Variants in ABCA1 observed in about 807,000 individuals in gnomAD.
ABCA1 encodes the protein phospholipid-transporting ATPase ABCA1.
A neutral mutation model predicts 262.5 loss-of-function variants in ABCA1; 133 were observed. The ratio of observed to expected loss-of-function variants is 0.51; its 90% confidence interval spans 0.44 to 0.59. The LOEUF (loss-of-function observed/expected upper bound fraction) is 0.59. Ranked by LOEUF, ABCA1 falls within the 20% of genes least tolerant of loss-of-function variation. The pLI is 0.00. For synonymous variants in ABCA1, 1,022 were observed against 1,043.5 expected (o/e 0.98, Z 0.40); for missense variants, 2,452 against 2,777.5 (o/e 0.88, Z 2.63).
chr9:104,863,373 G>C (rs182992669), intron 5 of ABCA1, among the ~76,000 whole-genome samples: 1 of 152,260 alleles, frequency 6.6e-6, no homozygotes, highest in Admixed American at 6.5e-5. Context: ...AGCTCATCAG[G>C]ACCACATGAA....
At chr9:104,851,602 C>G (rs1175293) in intron 7 of ABCA1, among the ~76,000 whole-genome samples, 3 of 152,150 alleles carry the variant, frequency 2.0e-5, no homozygotes, top group Non-Finnish European at 4.4e-5. Context: ...AGGATGTTTC[C>G]TTCCTGACTG....
intron 39 of ABCA1, 30 bp from the exon 40 acceptor site, chr9:104,794,540 A>G (rs1221733805): frequency 2.0e-6 from 3 of 1,527,530 alleles, no homozygotes; most frequent in Admixed American, 1.7e-5. Flanking sequence ...ATGGGAGGGA[A>G]GGGAGGGTGA....
chr9:104,799,763 T>A, intron 36 of ABCA1, 56 bp downstream of exon 36: 1 of 1,613,858 alleles, frequency 6.2e-7, no homozygotes, highest in Non-Finnish European at 8.5e-7. Context: ...TTTCTCCCCT[T>A]CTCCATAACC....
intron 20 of ABCA1, 23 bp downstream of exon 20, chr9:104,821,352 C>T: frequency 6.2e-7 from 1 of 1,613,498 alleles, no homozygotes; most frequent in Non-Finnish European, 8.5e-7. Flanking sequence ...AAGGCCTATT[C>T]TTAACGTGCT....
chr9:104,781,422 G>T lies in ABCA1; in HGVS notation c.*2893C>A, dbSNP rs1223126122. 1 of 152,040 alleles carries T rather than the reference G, an allele frequency of 6.6e-6. No homozygotes were observed. The highest frequency in any genetic ancestry group is 1.5e-5 in the Non-Finnish European group (1 of 67,858). 9.4% of individuals were successfully genotyped at this position (152,040 alleles called of 1,614,324 possible). On this transcript the variant is annotated 3_prime_UTR_variant, in exon 50 of 50. Coordinates refer to ENST00000374736, the MANE Select transcript of ABCA1 (RefSeq NM_005502.4). ...ATTATTACTAGTAGATAATAACAAG[G>T]GTACAAATTAATGTCTCAATATCAA... is the stretch of plus-strand genomic sequence containing the variant.
intron 4 of ABCA1, 44 bp from the exon 5 acceptor site, chr9:104,883,201 A>G (rs187537577): frequency 6.6e-7 from 1 of 1,507,576 alleles, no homozygotes; most frequent in South Asian, 1.1e-5. Context: ...AGCTAGGCCA[A>G]CTGCCTCTGC....
chr9:104,809,669 G>GAA (rs1419249897), intron 29 of ABCA1, 105 bp from the exon 30 acceptor site: 7 of 1,025,640 alleles, frequency 6.8e-6, no homozygotes, highest in Admixed American at 6.0e-5. Flanking sequence ...ATTTCTCTGT[G>GAA]ACAGGCTCTT....
In ABCA1 at chr9:104,825,753, C is replaced by T. The variant is rs533413438; in HGVS notation, c.2472G>A (p.Ser824=). ...AGGTGTCAAACAGCATCATGGAGAC[C>T]GAAGTGGTGAGATTGAAGCCATCTT... is the stretch of plus-strand genomic sequence containing the variant. ...VEEDGFNLTT[S]VSMMLFDTFL... Residue 824 remains serine, a synonymous_variant, in exon 17 of 50, where the codon TCG becomes TCA. Transcript: ENST00000374736. The T allele has an allele frequency of 4.0e-4, 642 of 1,614,158 alleles. 9 individuals carry two copies. In the South Asian group the frequency reaches 6.7e-3, roughly 17 times the overall value.
intron 25 of ABCA1, among the ~76,000 whole-genome samples, chr9:104,815,665 G>A (rs4149317): frequency 5.9e-5 from 9 of 152,118 alleles, no homozygotes; most frequent in East Asian, 3.9e-4. Flanking sequence ...ATCCATAAAC[G>A]TTTGTCATTT....
chr9:104,874,623 G>T (rs1368955192), intron 5 of ABCA1, among the ~76,000 whole-genome samples: 6 of 152,156 alleles, frequency 3.9e-5, no homozygotes, highest in Admixed American at 3.9e-4. Flanking sequence ...GGGCGCAGTG[G>T]CTCATGCCTG....
chr9:104,922,892 T>C (rs1050642040), intron 1 of ABCA1, among the ~76,000 whole-genome samples: 3 of 152,128 alleles, frequency 2.0e-5, no homozygotes, highest in Admixed American at 6.5e-5. Context: ...AATTTTTGTA[T>C]TGTTAGTAGA....
intron 21 of ABCA1, 61 bp downstream of exon 21, chr9:104,819,866 C>T (rs779383062): frequency 4.5e-4 from 719 of 1,608,884 alleles, no homozygotes; most frequent in Non-Finnish European, 5.6e-4. Context: ...TGATTTTCCT[C>T]CGCATGTGTG....
chr9:104,837,595 C>T (rs1392342451), intron 9 of ABCA1, 28 bp from the exon 10 acceptor site: 1 of 1,612,722 alleles, frequency 6.2e-7, no homozygotes, highest in Non-Finnish European at 8.5e-7. Flanking sequence ...GACAAATGCT[C>T]ATATGCATGG....
At chr9:104,870,152 A>T (rs188061592) in intron 5 of ABCA1, among the ~76,000 whole-genome samples, 1 of 152,240 alleles carries the variant, frequency 6.6e-6, no homozygotes, top group Non-Finnish European at 1.5e-5. Context: ...TGGGAATACC[A>T]TAACTTTAGG....
Position 104,909,612 on chromosome 9 carries a change from AC to A in ABCA1, c.-92-5842del, listed in dbSNP as rs1229699055. On this transcript the variant is annotated intron_variant, in intron 1 of 49. Coordinates refer to ENST00000374736, the MANE Select transcript of ABCA1 (RefSeq NM_005502.4). ...AGTGATGCTGGCAAAAGAAATACAC[AC>A]ACACACACACACACACACACACACA... Among the ~76,000 whole-genome samples, 147 of 40,466 alleles carry A rather than the reference AC, an allele frequency of 3.6e-3. 1 individual carries two copies. The highest frequency in any genetic ancestry group is 0.032 in the East Asian group (11 of 348). 26.5% of individuals were successfully genotyped at this position (40,466 alleles called of 152,430 possible).
chr9:104,909,022 T>C (rs923732501), intron 1 of ABCA1, among the ~76,000 whole-genome samples: 3 of 152,198 alleles, frequency 2.0e-5, no homozygotes, highest in Non-Finnish European at 4.4e-5. Flanking sequence ...CCAAATAAAC[T>C]GCCTTCTATT....
Position 104,781,852 on chromosome 9 carries a change from ATAGAGTTGGT to A in ABCA1, c.*2453_*2462del, listed in dbSNP as rs1264147617. 6.6e-6 allele frequency: 1 copy of A among 152,484 alleles called. No individual in the cohort carries two copies. The highest frequency in any genetic ancestry group is 1.5e-5 in the Non-Finnish European group (1 of 67,976). The allele number at this position is 152,484 out of a possible 1,614,324, so 9.4% of individuals were successfully genotyped here. ...ATACAGAAATTTTGCTTGATTGAGTATAGAGTTGGTAAAAATTTCTACCACAATTAGGTTT... is the reference window on the plus strand; with the variant it reads ...ATACAGAAATTTTGCTTGATTGAGTAAAAAATTTCTACCACAATTAGGTTT... On this transcript the variant is annotated 3_prime_UTR_variant, in exon 50 of 50. Transcript: ENST00000374736.
rs1832455770 is a variant in ABCA1 at position 104,822,522 on chromosome 9, G to A, written c.2802C>T (p.His934=). 6.2e-7 allele frequency: 1 copy of A among 1,613,744 alleles called. No individual in the cohort carries two copies. Among genetic ancestry groups the A allele is most frequent in the Admixed American group, 1.7e-5 (1 of 59,994 alleles). ...TGGTGGTCGTCTTCCCCGCTCCATT[G>A]TGGCCCAGGAAGGAGGTGATCTGGC... ...YEGQITSFLG[H]NGAGKTTTMS... Residue 934 remains histidine (H), a synonymous_variant, in exon 19 of 50, where the codon CAC becomes CAT. Coordinates refer to ENST00000374736, the MANE Select transcript of ABCA1 (RefSeq NM_005502.4).
At chr9:104,878,952 T>C (rs1418837110) in intron 5 of ABCA1, among the ~76,000 whole-genome samples, 1 of 151,850 alleles carries the variant, frequency 6.6e-6, no homozygotes, top group Non-Finnish European at 1.5e-5. Context: ...CTGATTACAA[T>C]ATAGGCCTGA....
Sources: gnomAD v4.1 joint callset for allele counts (sites outside exome capture counted in the v4.1 genomes callset) on GRCh38, gnomAD v4.1.1 for gene constraint, MANE v1.5 for transcripts, NCBI Gene and HGNC (gene_info 2026-07-23, HGNC 2026-07-21) for gene names.